ULK1: variants seen among roughly 807,000 people sequenced by gnomAD.
The protein encoded by ULK1 is unc-51 like autophagy activating kinase 1, also known as serine/threonine-protein kinase ULK1.
ULK1 carries 48 observed loss-of-function variants against 117.5 expected under a neutral mutation model. The ratio of observed to expected loss-of-function variants is 0.41; its 90% CI spans 0.32 to 0.52. The LOEUF (loss-of-function observed/expected upper bound fraction) is 0.52, where lower values mean the gene tolerates loss of function less well. ULK1 is among the 20% of genes least tolerant of loss of function. The pLI, the probability that ULK1 is intolerant of heterozygous loss-of-function variation, is 0.29. For missense variants in ULK1, 1,387 were observed against 1,473.4 expected (o/e 0.94, Z 0.96); for synonymous variants, 790 against 637.8 (o/e 1.24, Z -3.60).
At chr12:131,904,389 C>T (rs1352167109) in intron 3 of ULK1, among the ~76,000 whole-genome samples, 1 of 152,212 alleles carries the variant, frequency 6.6e-6, no homozygotes, top group Non-Finnish European at 1.5e-5. Flanking sequence ...CTCAGGCGAT[C>T]CTCTTGGCTT....
chr12:131,920,102 C>T lies in ULK1; in HGVS notation c.2927C>T (p.Ala976Val). 1 of 1,612,838 alleles carries T rather than the reference C, an allele frequency of 6.2e-7. No homozygotes were observed. ...RLLDRIHSITAERLIFSHAVQ... is the reference protein window; with the variant it reads ...RLLDRIHSITVERLIFSHAVQ... ...CTGGACCGCATTCACAGCATCACTG[C>T]CGAGAGGCTCATCTTCAGCCACGCT... The change falls in exon 26 of 28, where the codon GCC (alanine) becomes GTC (valine). Residue 976 changes from alanine to valine, a missense_variant. Transcript: ENST00000321867.
intron 3 of ULK1, among the ~76,000 whole-genome samples, chr12:131,900,782 G>C (rs1889054260): frequency 6.6e-6 from 1 of 152,368 alleles, no homozygotes; most frequent in South Asian, 2.1e-4. Context: ...GAGGTGTCCA[G>C]CCCTGCTTGG....
Position 131,919,525 on chromosome 12 carries a change from G to A in ULK1, c.2738G>A (p.Gly913Asp), listed in dbSNP as rs371587247. Reference protein sequence around the residue: ...YLKVAELLSSGLQSAIDQIRA... With the variant: ...YLKVAELLSSDLQSAIDQIRA... Reference sequence around the variant, plus strand: ...AAGGTGGCCGAGCTACTGTCCTCCGGCCTGCAAAGTGCCATCGACCAGATC... The same window carrying A: ...AAGGTGGCCGAGCTACTGTCCTCCGACCTGCAAAGTGCCATCGACCAGATC... Residue 913 changes from glycine to aspartate, a missense_variant, in exon 25 of 28, where the codon GGC becomes GAC. This residue lies in a region of ULK1 where 900 missense variants were observed against 858.9 expected (regional missense o/e 1.05). Transcript: ENST00000321867. 13 of 1,612,074 alleles carry A rather than the reference G, an allele frequency of 8.1e-6. No individual in the cohort carries two copies. The highest frequency in any genetic ancestry group is 1.1e-5 in the Non-Finnish European group (13 of 1,179,624).
Position 131,913,745 on chromosome 12 carries a change from A to T in ULK1, c.1158-2A>T, listed in dbSNP as rs979124764. On this transcript the variant is annotated splice_acceptor_variant, in intron 14 of 27. Transcript: ENST00000321867. LOFTEE classifies it high-confidence loss of function. ...GCCCTTGGCCTCCCTTCTGCCCCAC[A>T]GGAGCTCACTGGTGGCCTCTGCGGG... 6.6e-7 allele frequency: 1 copy of T among 1,521,368 alleles called. No individual in the cohort carries two copies. Among genetic ancestry groups the T allele is most frequent in the Non-Finnish European group, 8.8e-7 (1 of 1,136,024 alleles). 94.2% of individuals were successfully genotyped at this position (1,521,368 alleles called of 1,614,324 possible). A position where few individuals can be genotyped will look rare whatever the true frequency, so the allele number is the denominator to read the frequency against.
chr12:131,923,059 T>G lies in ULK1; in HGVS notation c.*1698T>G, dbSNP rs1890217748. 2.0e-5 allele frequency: 3 copies of G among 152,290 alleles called. No homozygotes were observed. The highest frequency in any genetic ancestry group is 2.0e-4 in the Admixed American group (3 of 15,286). 9.4% of individuals were successfully genotyped at this position (152,290 alleles called of 1,614,324 possible). ...TGTTCTCTTGATAGTGCTGGACCCT[T>G]TGTCTATTTTAAAGCGAATTTTGTG... On this transcript the variant is annotated 3_prime_UTR_variant, in exon 28 of 28. Transcript: ENST00000321867.
Position 131,908,989 on chromosome 12 carries a change from G to A in ULK1, c.564+18G>A, listed in dbSNP as rs1210721279. 6 of 1,612,792 alleles carry A rather than the reference G, an allele frequency of 3.7e-6. No individual in the cohort carries two copies. Among genetic ancestry groups the A allele is most frequent in the Non-Finnish European group, 5.1e-6 (6 of 1,179,866 alleles). ...TGTACATGGTGTGTTTACCTTGGCC[G>A]GGCTGTGCCGGGTGGGCGCCTCTCT... On this transcript the variant is annotated intron_variant, in intron 7 of 27. Coordinates refer to ENST00000321867, the MANE Select transcript of ULK1 (RefSeq NM_003565.4).
intron 3 of ULK1, among the ~76,000 whole-genome samples, chr12:131,901,657 C>A (rs1235772081): frequency 6.6e-6 from 1 of 152,338 alleles, no homozygotes; most frequent in South Asian, 2.1e-4. Flanking sequence ...GGTGCTGTGT[C>A]TCCGTGGGTG....
chr12:131,912,127 G>A (rs748130473), intron 13 of ULK1, 38 bp downstream of exon 13: 7 of 1,589,232 alleles, frequency 4.4e-6, no homozygotes, highest in South Asian at 3.4e-5. Flanking sequence ...GACGCCTCAG[G>A]TGCGGCGGGG....
At chr12:131,915,520 A>G in intron 18 of ULK1, 99 bp downstream of exon 18, 5 of 1,411,726 alleles carry the variant, frequency 3.5e-6, no homozygotes, top group Non-Finnish European at 3.8e-6. Context: ...AGTGAAAAGG[A>G]GTGGGAAGGA....
intron 6 of ULK1, 28 bp from the exon 7 acceptor site, chr12:131,908,870 C>T (rs370177188): frequency 3.7e-6 from 6 of 1,608,084 alleles, no homozygotes; most frequent in Non-Finnish European, 5.1e-6. Flanking sequence ...CCGGGGCCGG[C>T]GCCGGTCCTG....
At chr12:131,904,657 C>T (rs1352639933) in intron 3 of ULK1, among the ~76,000 whole-genome samples, 1 of 152,176 alleles carries the variant, frequency 6.6e-6, no homozygotes, top group East Asian at 1.9e-4. Context: ...TGACACATCC[C>T]TGCTTGTCCT....
In ULK1 at chr12:131,915,485, T is replaced by C. The variant is rs1889737846; in HGVS notation, c.1609+64T>C. ...ACCTCCCTCGCTCACGTTGTCATCC[T>C]GGTCTAAAGCCCTTGCTCTTTCCAA... On this transcript the variant is annotated intron_variant, in intron 18 of 27. Transcript: ENST00000321867. 7 of 1,565,844 alleles carry C rather than the reference T, an allele frequency of 4.5e-6. No individual in the cohort carries two copies. In the South Asian group the frequency reaches 8.0e-5, roughly 18 times the overall value.
chr12:131,909,640 C>T (rs1007977165), intron 8 of ULK1, 135 bp from the exon 9 acceptor site: 10 of 932,118 alleles, frequency 1.1e-5, no homozygotes, highest in Non-Finnish European at 9.3e-6. Context: ...AGCAAACAGC[C>T]GCGCTAGCAC....
chr12:131,907,990 GGCGGGC>G (rs1566118068), intron 5 of ULK1, among the ~76,000 whole-genome samples: 1 of 151,374 alleles, frequency 6.6e-6, no homozygotes, highest in East Asian at 2.0e-4. Context: ...CCACAGTGCC[GGCGGGC>G]GCGGGGGTGG....
chr12:131,919,713 C>G, intron 25 of ULK1, 123 bp downstream of exon 25: 1 of 1,234,000 alleles, frequency 8.1e-7, no homozygotes, highest in African/African-American at 1.5e-5. Context: ...GTGCAGAGGC[C>G]CCGGGGCCTG....
chr12:131,902,522 G>C lies in ULK1; in HGVS notation c.247-4370G>C, dbSNP rs1157013808. ...GGGGAGTGCTGTCCCAGGTCCCTCA[G>C]GCATGCTGCCTGGAGACAGTGGGGT... is the stretch of plus-strand genomic sequence containing the variant. On this transcript the variant is annotated intron_variant, in intron 3 of 27. Coordinates refer to ENST00000321867, the MANE Select transcript of ULK1 (RefSeq NM_003565.4). This position sits in a 1 kb window ranked among gnomAD's most constrained non-coding sequence, Gnocchi z 6.3. Among the ~76,000 whole-genome samples the C allele has an allele frequency of 1.3e-5, 2 of 152,200 alleles. No individual in the cohort carries two copies. Among genetic ancestry groups the C allele is most frequent in the Non-Finnish European group, 2.9e-5 (2 of 68,030 alleles).
chr12:131,899,176 T>C (rs1421585578), intron 3 of ULK1, among the ~76,000 whole-genome samples: 1 of 150,022 alleles, frequency 6.7e-6, no homozygotes, highest in African/African-American at 2.5e-5. Context: ...CTGCCTGATA[T>C]ATTTCTATAT....
At position 131,916,341 on chromosome 12, in the gene ULK1, C is replaced by T. The variant is rs529336256; in HGVS notation, c.1879-57C>T. 1,305 of 1,523,968 alleles carry T rather than the reference C, an allele frequency of 8.6e-4. 1 individual carries two copies. The highest frequency in any genetic ancestry group is 1.1e-3 in the Non-Finnish European group (1,214 of 1,136,260). 94.4% of individuals were successfully genotyped at this position (1,523,968 alleles called of 1,614,324 possible). A position where few individuals can be genotyped will look rare whatever the true frequency, so the allele number is the denominator to read the frequency against. ...CGGACTCGGCCCCTTCCCCAGGCACCGGGCCCCAGGGCTGCAGACCTGCGG... is the reference window on the plus strand; with the variant it reads ...CGGACTCGGCCCCTTCCCCAGGCACTGGGCCCCAGGGCTGCAGACCTGCGG... On this transcript the variant is annotated intron_variant, in intron 19 of 27. Transcript: ENST00000321867.
chr12:131,919,889 T>C, intron 25 of ULK1, 90 bp from the exon 26 acceptor site: 1 of 1,517,704 alleles, frequency 6.6e-7, no homozygotes, highest in South Asian at 1.3e-5. Flanking sequence ...GGGAGGGACG[T>C]GCTCGCTCAG....
Sources: gnomAD v4.1 joint callset for allele counts (sites outside exome capture counted in the v4.1 genomes callset) on GRCh38, gnomAD v4.1.1 for gene constraint, gnomAD v4.1.1 regional missense constraint, Gnocchi (gnomAD v3.1) non-coding constraint, MANE v1.5 for transcripts, NCBI Gene and HGNC (gene_info 2026-07-23, HGNC 2026-07-21) for gene names.